The following TPST2 variants were observed in gnomAD, a reference collection of about 807,000 sequenced individuals.
The protein encoded by TPST2 is tyrosylprotein sulfotransferase 2, also known as protein-tyrosine sulfotransferase 2.
A neutral mutation model predicts 27.8 loss-of-function variants in TPST2; 16 were observed. That is an observed-to-expected ratio of 0.58 (90% CI 0.39 to 0.88). The LOEUF (loss-of-function observed/expected upper bound fraction) is 0.88. Ranked by LOEUF, TPST2 falls within the 40% of genes least tolerant of loss-of-function variation. TPST2 has a pLI of 0.00. For missense variants in TPST2, 464 were observed against 543.1 expected (o/e 0.85, Z 1.45); for synonymous variants, 229 against 231.7 (o/e 0.99, Z 0.10).
chr22:26,565,841 A>T (rs1189827257), intron 1 of TPST2: 1 of 152,050 alleles, frequency 6.6e-6, no homozygotes, highest in Non-Finnish European at 1.5e-5. Flanking sequence ...CTTGAAACCC[A>T]GGGTAAAACT....
intron 1 of TPST2, among the ~76,000 whole-genome samples, chr22:26,546,204 T>A (rs1216499819): frequency 6.6e-6 from 1 of 152,142 alleles, no homozygotes; most frequent in Non-Finnish European, 1.5e-5. Context: ...ACTCCTTTTC[T>A]CCATACCATT....
intron 1 of TPST2, among the ~76,000 whole-genome samples, chr22:26,557,635 C>T (rs1926868962): frequency 6.6e-6 from 1 of 151,704 alleles, no homozygotes; most frequent in South Asian, 2.1e-4. Context: ...AAATTGTGAG[C>T]ATTGGTCTGG....
In TPST2 at chr22:26,530,631, C is replaced by A. The variant is rs868489683; in HGVS notation, c.1092+2064G>T. ...TGGGTGACACAGTGAAACCCCATCT[C>A]AAAAAAAAAAAGGAATCAGCAGGAG... On this transcript the variant is annotated intron_variant, in intron 5 of 6. Transcript: ENST00000338754. Among the ~76,000 whole-genome samples the A allele has an allele frequency of 2.0e-4, 24 of 118,284 alleles. 1 individual carries two copies. The highest frequency in any genetic ancestry group is 2.7e-4 in the East Asian group (1 of 3,730). The allele number at this position is 118,284 out of a possible 152,430, so 77.6% of individuals were successfully genotyped here.
chr22:26,550,597 G>A (rs541346530), intron 1 of TPST2: 2 of 985,526 alleles, frequency 2.0e-6, no homozygotes, highest in East Asian at 2.3e-4. Flanking sequence ...CTTACAGAGT[G>A]GCCCTGGAGC....
intron 1 of TPST2, chr22:26,555,244 A>G (rs768949575): frequency 1.9e-6 from 1 of 532,374 alleles, no homozygotes; most frequent in Non-Finnish European, 3.8e-6. Flanking sequence ...CTGGTGCAAA[A>G]GTAATGCAGT....
intron 1 of TPST2, among the ~76,000 whole-genome samples, chr22:26,567,792 G>A (rs953404265): frequency 6.6e-6 from 1 of 152,170 alleles, no homozygotes; most frequent in African/African-American, 2.4e-5. Context: ...TTATCTAAGT[G>A]GTCAATAAGC....
At chr22:26,526,368 C>T (rs1219885076) in intron 6 of TPST2, 101 bp from the exon 7 acceptor site, 4 of 152,272 alleles carry the variant, frequency 2.6e-5, no homozygotes, top group South Asian at 4.2e-4. Flanking sequence ...TTCATCCATT[C>T]GCATAAGCAT....
At chr22:26,575,488 G>A (rs971195058) in intron 1 of TPST2, among the ~76,000 whole-genome samples, 2 of 152,158 alleles carry the variant, frequency 1.3e-5, no homozygotes, top group Non-Finnish European at 2.9e-5. Flanking sequence ...ATCCTCCGGA[G>A]ACAGCGACAC....
At chr22:26,571,286 T>C (rs1927614601) in intron 1 of TPST2, among the ~76,000 whole-genome samples, 1 of 152,158 alleles carries the variant, frequency 6.6e-6, no homozygotes, top group Admixed American at 6.5e-5. Flanking sequence ...CGGATGCCCT[T>C]TCCCCAAACA....
chr22:26,575,509 A>G (rs1927798105), intron 1 of TPST2, among the ~76,000 whole-genome samples: 1 of 152,068 alleles, frequency 6.6e-6, no homozygotes, highest in Non-Finnish European at 1.5e-5. Context: ...TATCATTTCT[A>G]TACCTCCCCT....
At chr22:26,559,441 T>C (rs1284172103) in intron 1 of TPST2, among the ~76,000 whole-genome samples, 1 of 151,412 alleles carries the variant, frequency 6.6e-6, no homozygotes, top group Non-Finnish European at 1.5e-5. Flanking sequence ...TTCACAGGTT[T>C]CTAGTATGTG....
At chr22:26,578,927 C>T (rs1927976520) in intron 1 of TPST2, among the ~76,000 whole-genome samples, 1 of 151,340 alleles carries the variant, frequency 6.6e-6, no homozygotes. Flanking sequence ...TCTTGGCTCA[C>T]TGCAGCCTTG....
chr22:26,557,580 T>G lies in TPST2; in HGVS notation c.-160-12905A>C, dbSNP rs188540181. ...GGCAAGCTCTAGACTGTGCCAGGCTTTGAATGCCAGGTAAGGAGCTTGGAG... is the reference window on the plus strand; with the variant it reads ...GGCAAGCTCTAGACTGTGCCAGGCTGTGAATGCCAGGTAAGGAGCTTGGAG... On this transcript the variant is annotated intron_variant, in intron 1 of 6. Coordinates refer to ENST00000338754, the MANE Select transcript of TPST2 (RefSeq NM_003595.5). 2.6e-5 allele frequency among the ~76,000 whole-genome samples: 4 copies of G among 151,942 alleles called. No homozygotes were observed. The East Asian group carries it at 7.8e-4, about 29-fold the overall frequency.
At chr22:26,569,197 AC>A (rs1268430561) in intron 1 of TPST2, among the ~76,000 whole-genome samples, 10 of 151,706 alleles carry the variant, frequency 6.6e-5, no homozygotes, top group Non-Finnish European at 1.3e-4. Context: ...ACGTCTAAGA[AC>A]CCTCTCTTGG....
At chr22:26,534,071 T>C (rs913384020) in intron 4 of TPST2, among the ~76,000 whole-genome samples, 1 of 152,204 alleles carries the variant, frequency 6.6e-6, no homozygotes, top group Non-Finnish European at 1.5e-5. Flanking sequence ...AAATCTAGTG[T>C]GTATTTTACA....
At chr22:26,578,496 GA>G (rs1927951126) in intron 1 of TPST2, among the ~76,000 whole-genome samples, 1 of 152,158 alleles carries the variant, frequency 6.6e-6, no homozygotes, top group Non-Finnish European at 1.5e-5. Flanking sequence ...CTGCAAACCT[GA>G]CCACGCTCTG....
Position 26,543,596 on chromosome 22 carries a change from C to T in TPST2, c.-89+1008G>A, listed in dbSNP as rs137993106. ...TGCTGGGATTACAGGTGTGAGCCAC[C>T]GCACCCGGCCAGCTTCAGCATTTTA... is the stretch of plus-strand genomic sequence containing the variant. On this transcript the variant is annotated intron_variant, in intron 2 of 6. Transcript: ENST00000338754. Among the ~76,000 whole-genome samples the T allele has an allele frequency of 5.3e-5, 8 of 152,254 alleles. No homozygotes were observed. The East Asian group carries it at 9.7e-4, about 18-fold the overall frequency.
intron 1 of TPST2, among the ~76,000 whole-genome samples, chr22:26,576,553 A>G (rs1927842434): frequency 6.6e-6 from 1 of 152,128 alleles, no homozygotes; most frequent in African/African-American, 2.4e-5. Flanking sequence ...CAGCTCGAGC[A>G]GCGGGTAGAA....
At chr22:26,570,523 G>T (rs1927589103) in intron 1 of TPST2, among the ~76,000 whole-genome samples, 1 of 152,208 alleles carries the variant, frequency 6.6e-6, no homozygotes, top group African/African-American at 2.4e-5. Context: ...TCTGGCACAG[G>T]TATCAGGAGG....
Sources: gnomAD v4.1 joint callset for allele counts (sites outside exome capture counted in the v4.1 genomes callset) on GRCh38, gnomAD v4.1.1 for gene constraint, MANE v1.5 for transcripts, NCBI Gene and HGNC (gene_info 2026-07-23, HGNC 2026-07-21) for gene names.